The following LCMT1 variants were observed in gnomAD, a reference collection of about 807,000 sequenced individuals.
The protein encoded by LCMT1 is [Phosphatase 2A protein]-leucine-carboxy methyltransferase 1.
In LCMT1, 32 loss-of-function variants were observed where a neutral mutation model predicts 47.7. That is an observed-to-expected ratio of 0.67 (90% CI 0.51 to 0.90). The LOEUF is 0.90. LCMT1 is among the 40% of genes least tolerant of loss of function. LCMT1 has a pLI of 0.00. For missense variants in LCMT1, 375 were observed against 415.2 expected (o/e 0.90, Z 0.84); for synonymous variants, 152 against 149.7 (o/e 1.02, Z -0.11).
chr16:25,116,485 C>T (rs1254091424), intron 1 of LCMT1, among the ~76,000 whole-genome samples: 1 of 152,094 alleles, frequency 6.6e-6, no homozygotes, highest in Non-Finnish European at 1.5e-5. Flanking sequence ...TTATGTCCAA[C>T]AGGAGAACAA....
rs192114507 is a variant in LCMT1, at chr16:25,120,117, A to C, written c.113+8121A>C. The stretch of plus-strand genomic sequence containing the variant: ...GGAGGTTGCAGTGAGCCAAGATCAC[A>C]CCACTGCACTCCAGCCTGGGCGACA... On this transcript the variant is annotated intron_variant, in intron 1 of 10. Transcript: ENST00000399069. 5.3e-3 allele frequency among the ~76,000 whole-genome samples: 807 copies of C among 151,444 alleles called. 12 individuals carry two copies. Among genetic ancestry groups the C allele is most frequent in the African/African-American group, 0.019 (771 of 41,328 alleles).
At chr16:25,117,833 CAG>C (rs903540645) in intron 1 of LCMT1, among the ~76,000 whole-genome samples, 18 of 145,908 alleles carry the variant, frequency 1.2e-4, no homozygotes, top group African/African-American at 4.3e-4. Flanking sequence ...GCCTGGGCGA[CAG>C]AGAGAGACTC....
intron 9 of LCMT1, among the ~76,000 whole-genome samples, chr16:25,172,418 C>T (rs535692189): frequency 7.8e-4 from 118 of 152,216 alleles, no homozygotes; most frequent in African/African-American, 2.6e-3. Context: ...CATTTAGTTG[C>T]GGTGTCTTGT....
In LCMT1 at chr16:25,117,732, A is replaced by G. The variant is rs1259848453; in HGVS notation, c.113+5736A>G. Reference sequence around the variant, plus strand: ...GCTGGGCGTGGTGGTGTGCGCCTGTAATCTCAGCTATTGGGAGGCTGAGAT... The same window carrying G: ...GCTGGGCGTGGTGGTGTGCGCCTGTGATCTCAGCTATTGGGAGGCTGAGAT... On this transcript the variant is annotated intron_variant, in intron 1 of 10. Transcript: ENST00000399069. Among the ~76,000 whole-genome samples, 3 of 152,252 alleles carry G rather than the reference A, an allele frequency of 2.0e-5. No homozygotes were observed. The East Asian group carries it at 5.8e-4, about 29-fold the overall frequency.
intron 1 of LCMT1, among the ~76,000 whole-genome samples, chr16:25,122,629 C>G (rs1252567823): frequency 6.6e-6 from 1 of 151,670 alleles, no homozygotes; most frequent in African/African-American, 2.4e-5. Flanking sequence ...GCTTCCAGCC[C>G]TTGTTATTTC....
At chr16:25,161,989 C>T (rs879539720) in intron 6 of LCMT1, among the ~76,000 whole-genome samples, 2 of 151,986 alleles carry the variant, frequency 1.3e-5, no homozygotes, top group Admixed American at 6.6e-5. Flanking sequence ...CAAGTGTTGA[C>T]AAGGATGTGG....
At chr16:25,112,117 C>T in intron 1 of LCMT1, 121 bp downstream of exon 1, 1 of 721,588 alleles carries the variant, frequency 1.4e-6, no homozygotes, top group East Asian at 2.7e-5. Flanking sequence ...CTCGCACGAC[C>T]CTCGCTTCCC....
chr16:25,116,786 T>C (rs1396637718), intron 1 of LCMT1, among the ~76,000 whole-genome samples: 1 of 151,608 alleles, frequency 6.6e-6, no homozygotes, highest in African/African-American at 2.4e-5. Context: ...CCATCTACTT[T>C]GGGGCTGGTG....
At chr16:25,164,115 G>A (rs1239234745) in intron 6 of LCMT1, among the ~76,000 whole-genome samples, 1 of 152,136 alleles carries the variant, frequency 6.6e-6, no homozygotes, top group African/African-American at 2.4e-5. Context: ...CCTTCACACA[G>A]TGGTTTCAGT....
chr16:25,155,486 A>G (rs1597592962), intron 5 of LCMT1, among the ~76,000 whole-genome samples: 1 of 152,026 alleles, frequency 6.6e-6, no homozygotes, highest in East Asian at 1.9e-4. Flanking sequence ...GTTGTAGGCT[A>G]CAGAGAGCTG....
intron 6 of LCMT1, among the ~76,000 whole-genome samples, chr16:25,164,233 C>T (rs1430816741): frequency 2.0e-5 from 3 of 152,092 alleles, no homozygotes; most frequent in African/African-American, 7.2e-5. Context: ...GTTTCATGAC[C>T]AGCCTAGATT....
chr16:25,123,287 C>A (rs1237709219), intron 1 of LCMT1, among the ~76,000 whole-genome samples: 4 of 138,998 alleles, frequency 2.9e-5, no homozygotes, highest in African/African-American at 1.1e-4. Context: ...TGCAGTGGTG[C>A]AATCTTGGCT....
intron 7 of LCMT1, 146 bp downstream of exon 7, chr16:25,164,864 T>C (rs1239095675): frequency 1.0e-5 from 11 of 1,054,066 alleles, no homozygotes; most frequent in Non-Finnish European, 1.3e-5. Flanking sequence ...ACCAGCAATC[T>C]TAGTACTCCT....
chr16:25,171,736 T>A (rs1423914242), intron 9 of LCMT1, among the ~76,000 whole-genome samples: 1 of 152,206 alleles, frequency 6.6e-6, no homozygotes. Flanking sequence ...TCTATGCTTC[T>A]TGTTCTAAAA....
At chr16:25,140,343 G>A in intron 4 of LCMT1, 96 bp downstream of exon 4, 1 of 963,456 alleles carries the variant, frequency 1.0e-6, no homozygotes. Context: ...TTCACTTTAG[G>A]GTGTTGCCTT....
chr16:25,151,773 G>A (rs1205394159), intron 5 of LCMT1, among the ~76,000 whole-genome samples, 158 bp downstream of exon 5: 1 of 150,968 alleles, frequency 6.6e-6, no homozygotes, highest in African/African-American at 2.4e-5. Flanking sequence ...TCATAAATTA[G>A]GAAAGGAGAG....
At chr16:25,136,008 C>T (rs1567314167) in intron 3 of LCMT1, among the ~76,000 whole-genome samples, 1 of 149,654 alleles carries the variant, frequency 6.7e-6, no homozygotes, top group Non-Finnish European at 1.5e-5. Context: ...GGAGGATCAC[C>T]TGAGCCCCGG....
intron 6 of LCMT1, among the ~76,000 whole-genome samples, chr16:25,163,487 G>T (rs375030874): frequency 9.4e-5 from 12 of 127,698 alleles, no homozygotes; most frequent in Admixed American, 4.6e-4. Flanking sequence ...AAAAAAAAAA[G>T]AATCTAATAT....
At chr16:25,160,171 TCTC>T (rs1211940961) in intron 5 of LCMT1, among the ~76,000 whole-genome samples, 1 of 152,100 alleles carries the variant, frequency 6.6e-6, no homozygotes, top group Non-Finnish European at 1.5e-5. Flanking sequence ...ATGGTCTCGA[TCTC>T]CTGACCTTGT....
Sources: allele counts gnomAD v4.1 joint callset (sites outside exome capture counted in the v4.1 genomes callset), GRCh38; gene constraint gnomAD v4.1.1; transcripts MANE v1.5; gene names NCBI Gene and HGNC (gene_info 2026-07-23, HGNC 2026-07-21).